Variants in CAMK2D observed in about 807,000 individuals in gnomAD.
The protein encoded by CAMK2D is calcium/calmodulin dependent protein kinase II delta.
In CAMK2D, 37 loss-of-function variants were observed where a neutral mutation model predicts 84.0. That is an observed-to-expected ratio of 0.44 (90% CI 0.34 to 0.58). CAMK2D has a LOEUF of 0.58. CAMK2D is among the 20% of genes least tolerant of loss of function. The pLI is 0.02. For missense variants in CAMK2D, 448 were observed against 652.5 expected (o/e 0.69, Z 3.41); for synonymous variants, 202 against 212.5 (o/e 0.95, Z 0.43).
intron 3 of CAMK2D, among the ~76,000 whole-genome samples, chr4:113,653,370 T>A (rs929971511): frequency 5.3e-5 from 8 of 152,056 alleles, no homozygotes; most frequent in African/African-American, 1.9e-4. Flanking sequence ...TCAAATAAGG[T>A]AAATATAAAA....
chr4:113,684,163 C>G (rs889432151), intron 2 of CAMK2D, among the ~76,000 whole-genome samples: 1 of 152,116 alleles, frequency 6.6e-6, no homozygotes, highest in Admixed American at 6.6e-5. Context: ...CACAATGGAA[C>G]CAGAGAATGA....
At position 113,757,676 on chromosome 4, in the gene CAMK2D, C is replaced by T. The variant is rs1049895634; in HGVS notation, c.160+1644G>A. 4.6e-5 allele frequency among the ~76,000 whole-genome samples: 7 copies of T among 152,050 alleles called. No homozygotes were observed. In the East Asian group the frequency reaches 1.3e-3, roughly 29 times the overall value. The stretch of plus-strand genomic sequence containing the variant: ...CATTACATCCAGAAGCGGTAAAAAG[C>T]TTTGGGACATGTAGGTAGTTCTTTG... On this transcript the variant is annotated intron_variant, in intron 2 of 20. Transcript: ENST00000511664.
chr4:113,595,753 T>A (rs907382278), intron 4 of CAMK2D, among the ~76,000 whole-genome samples: 3 of 152,206 alleles, frequency 2.0e-5, no homozygotes, highest in South Asian at 2.1e-4. Flanking sequence ...AATTTTAAAA[T>A]ACTTTACTGC....
intron 3 of CAMK2D, among the ~76,000 whole-genome samples, chr4:113,644,996 T>C (rs2154297137): frequency 6.6e-6 from 1 of 152,174 alleles, no homozygotes; most frequent in African/African-American, 2.4e-5. Context: ...GAGAATTTTT[T>C]GTTGTTGTTG....
chr4:113,507,088 G>A (rs537461431), intron 13 of CAMK2D, among the ~76,000 whole-genome samples: 1 of 152,056 alleles, frequency 6.6e-6, no homozygotes, highest in African/African-American at 2.4e-5. Context: ...AAGCTTTTTT[G>A]TTAATGTAAA....
At position 113,457,406 on chromosome 4, in the gene CAMK2D, C is replaced by T. The variant is rs929903768; in HGVS notation, c.1464G>A (p.Val488=). Residue 488 remains valine, a synonymous_variant, in exon 19 of 21, where the codon GTG becomes GTA. Transcript: ENST00000511664. ...GCCACTTTCCATCCCGGCGGTGCCA[C>T]ACACGAGTCTCTTCTGACTGCATTG... is the stretch of plus-strand genomic sequence containing the variant. ...PKTMQSEETR[V]WHRRDGKWQN... is the part of the protein sequence containing the mutation. The T allele has an allele frequency of 5.6e-6, 9 of 1,613,756 alleles. No homozygotes were observed. In the Admixed American group the frequency reaches 8.3e-5, roughly 15 times the overall value.
At chr4:113,509,480 C>A (rs2098179766) in intron 13 of CAMK2D, among the ~76,000 whole-genome samples, 158 bp downstream of exon 13, 1 of 152,138 alleles carries the variant, frequency 6.6e-6, no homozygotes, top group Non-Finnish European at 1.5e-5. Flanking sequence ...AAATGTTAGT[C>A]ATCTTTGTAT....
At chr4:113,493,387 C>A (rs1318034305) in intron 16 of CAMK2D, among the ~76,000 whole-genome samples, 1 of 150,782 alleles carries the variant, frequency 6.6e-6, no homozygotes, top group Non-Finnish European at 1.5e-5. Context: ...TATTTTATTT[C>A]TCCTTCACTT....
chr4:113,469,271 G>A (rs2097517432), intron 16 of CAMK2D, among the ~76,000 whole-genome samples: 1 of 152,172 alleles, frequency 6.6e-6, no homozygotes, highest in Admixed American at 6.5e-5. Flanking sequence ...GGAATGCAGT[G>A]ATTATTTCTT....
At chr4:113,629,761 T>C (rs1256589682) in intron 3 of CAMK2D, among the ~76,000 whole-genome samples, 1 of 150,890 alleles carries the variant, frequency 6.6e-6, no homozygotes, top group African/African-American at 2.4e-5. Context: ...AAATTTACTC[T>C]TGTCAATTGG....
intron 2 of CAMK2D, among the ~76,000 whole-genome samples, chr4:113,685,257 T>A (rs1052258324): frequency 4.1e-4 from 57 of 138,740 alleles, no homozygotes; most frequent in Non-Finnish European, 6.1e-4. Context: ...TTTTTTTTTT[T>A]AGACAAGGTC....
chr4:113,704,395 G>C (rs1005785349), intron 2 of CAMK2D, among the ~76,000 whole-genome samples: 3 of 151,850 alleles, frequency 2.0e-5, no homozygotes. Flanking sequence ...ATAAGAACAA[G>C]AGAAAATTAA....
intron 8 of CAMK2D, among the ~76,000 whole-genome samples, chr4:113,523,800 C>T (rs143882380): frequency 7.5e-5 from 10 of 134,008 alleles, no homozygotes; most frequent in Admixed American, 2.7e-4. Context: ...AATAAATAAA[C>T]AAACAAACAA....
chr4:113,457,631 T>C (rs1011516190), intron 18 of CAMK2D, 68 bp from the exon 19 acceptor site: 3 of 1,173,570 alleles, frequency 2.6e-6, no homozygotes, highest in Non-Finnish European at 3.8e-6. Flanking sequence ...CAGTAATAAC[T>C]TCAGTTAGGA....
intron 2 of CAMK2D, among the ~76,000 whole-genome samples, chr4:113,691,208 G>A (rs2099386100): frequency 6.6e-6 from 1 of 152,114 alleles, no homozygotes; most frequent in Non-Finnish European, 1.5e-5. Flanking sequence ...ACAACACTTT[G>A]GCTGAAAATC....
intron 4 of CAMK2D, among the ~76,000 whole-genome samples, chr4:113,572,058 T>C (rs1156866099): frequency 2.0e-5 from 3 of 147,396 alleles, no homozygotes; most frequent in Non-Finnish European, 4.5e-5. Context: ...CCCTGCAACA[T>C]GAAAACAGTT....
At chr4:113,509,576 C>T (rs562105580) in intron 13 of CAMK2D, 62 bp downstream of exon 13, 5 of 1,036,436 alleles carry the variant, frequency 4.8e-6, no homozygotes, top group African/African-American at 4.7e-5. Flanking sequence ...TTATATATAA[C>T]ATTTAAAGAT....
At chr4:113,675,974 T>C (rs1386265039) in intron 2 of CAMK2D, among the ~76,000 whole-genome samples, 2 of 152,196 alleles carry the variant, frequency 1.3e-5, no homozygotes, top group Admixed American at 6.5e-5. Context: ...TTTTCATATA[T>C]CTGTATAATG....
intron 10 of CAMK2D, among the ~76,000 whole-genome samples, 199 bp from the exon 11 acceptor site, chr4:113,514,112 C>T (rs1033816988): frequency 3.3e-5 from 5 of 152,030 alleles, no homozygotes; most frequent in African/African-American, 7.2e-5. Flanking sequence ...GCAACACTGA[C>T]GTATAGAAAG....
Sources: gnomAD v4.1 joint callset for allele counts (sites outside exome capture counted in the v4.1 genomes callset) on GRCh38, gnomAD v4.1.1 for gene constraint, MANE v1.5 for transcripts, NCBI Gene and HGNC (gene_info 2026-07-23, HGNC 2026-07-21) for gene names.